Variants in KIF21A observed in about 807,000 individuals in gnomAD.
The protein encoded by KIF21A is kinesin-like protein KIF21A.
In KIF21A, 114 loss-of-function variants were observed where a neutral mutation model predicts 202.9. The ratio of observed to expected loss-of-function variants is 0.56; its 90% confidence interval spans 0.48 to 0.66. The LOEUF is 0.66. Ranked by LOEUF, KIF21A falls within the 30% of genes least tolerant of loss-of-function variation. The pLI is 0.00. For synonymous variants in KIF21A, 667 were observed against 670.8 expected (o/e 0.99, Z 0.09); for missense variants, 1,677 against 1,994.9 (o/e 0.84, Z 3.04).
At chr12:39,340,099 ATT>A (rs1947320653) in intron 16 of KIF21A, 64 bp downstream of exon 16, 7 of 1,263,348 alleles carry the variant, frequency 5.5e-6, no homozygotes, top group Middle Eastern at 2.3e-4. Context: ...AGAGTTGTTT[ATT>A]TTTTGTCCCA....
intron 1 of KIF21A, among the ~76,000 whole-genome samples, chr12:39,384,130 T>G (rs1259588582): frequency 6.6e-6 from 1 of 152,152 alleles, no homozygotes; most frequent in African/African-American, 2.4e-5. Context: ...GACTCTTGAA[T>G]AGGTGGGATT....
At chr12:39,303,382 C>T (rs1182255466) in intron 35 of KIF21A, among the ~76,000 whole-genome samples, 1 of 152,132 alleles carries the variant, frequency 6.6e-6, no homozygotes, top group African/African-American at 2.4e-5. Flanking sequence ...TGCACAGCTG[C>T]CTTAACTGCA....
At chr12:39,350,947 G>T (rs1948323072) in intron 11 of KIF21A, among the ~76,000 whole-genome samples, 1 of 152,000 alleles carries the variant, frequency 6.6e-6, no homozygotes, top group Admixed American at 6.6e-5. Context: ...AAACCAGGTG[G>T]CAAATAAGAT....
intron 27 of KIF21A, among the ~76,000 whole-genome samples, chr12:39,320,236 A>G (rs749231216): frequency 6.6e-6 from 1 of 152,210 alleles, no homozygotes; most frequent in Non-Finnish European, 1.5e-5. Flanking sequence ...CTTATTAAAT[A>G]TGTAACAACT....
At chr12:39,375,430 A>T (rs115094424) in intron 1 of KIF21A, among the ~76,000 whole-genome samples, 54 of 152,194 alleles carry the variant, frequency 3.5e-4, no homozygotes, top group African/African-American at 1.2e-3. Flanking sequence ...CTTTTCATGG[A>T]TCATTTCTCA....
chr12:39,311,265 A>C (rs1385721122), intron 32 of KIF21A, 152 bp downstream of exon 32: 7 of 689,934 alleles, frequency 1.0e-5, no homozygotes, highest in Non-Finnish European at 1.7e-5. Context: ...CAACTATGCA[A>C]TAATTTTATA....
intron 1 of KIF21A, among the ~76,000 whole-genome samples, chr12:39,401,936 A>G (rs560090224): frequency 6.6e-6 from 1 of 152,334 alleles, no homozygotes; most frequent in Admixed American, 6.5e-5. Context: ...TTACCAAACT[A>G]GTTACAAGTT....
At position 39,320,011 on chromosome 12, in the gene KIF21A, G is replaced by C. The variant is rs1945030197; in HGVS notation, c.3674C>G (p.Ser1225Cys). 1.3e-6 allele frequency: 2 copies of C among 1,560,462 alleles called. No homozygotes were observed. Among genetic ancestry groups the C allele is most frequent in the Non-Finnish European group, 1.8e-6 (2 of 1,134,258 alleles). Residue 1225 changes from serine (S) to cysteine (C), a missense_variant and splice_region_variant, in exon 28 of 38, where the codon TCC becomes TGC. Around this residue, in one of 3 missense-constraint regions of KIF21A, gnomAD observed 705 missense variants for 791.9 expected, o/e 0.89. Coordinates refer to ENST00000361418, the MANE Select transcript of KIF21A (RefSeq NM_001173464.2). ...PGLPSKIGSI[S>C]RQSSLSEKKI... ...TTTTTCTGATAGAGATGACTGCCTGGAACTAAAGTAAAAGAAGATTCTTTA... is the reference window on the plus strand; with the variant it reads ...TTTTTCTGATAGAGATGACTGCCTGCAACTAAAGTAAAAGAAGATTCTTTA...
At chr12:39,397,248 T>C (rs947968137) in intron 1 of KIF21A, among the ~76,000 whole-genome samples, 1 of 152,238 alleles carries the variant, frequency 6.6e-6, no homozygotes, top group Non-Finnish European at 1.5e-5. Context: ...CATAGCATAA[T>C]GTTTGTGTTC....
chr12:39,339,328 A>C (rs1947254395), intron 16 of KIF21A, among the ~76,000 whole-genome samples: 2 of 152,124 alleles, frequency 1.3e-5, no homozygotes, highest in African/African-American at 4.8e-5. Context: ...AGATACACAA[A>C]TATTTAGCAT....
At chr12:39,354,394 G>A (rs923245337) in intron 10 of KIF21A, among the ~76,000 whole-genome samples, 1 of 152,034 alleles carries the variant, frequency 6.6e-6, no homozygotes, top group Non-Finnish European at 1.5e-5. Context: ...AAATATTGAA[G>A]AGATAGATCA....
At chr12:39,434,006 G>C (rs1272254044) in intron 1 of KIF21A, among the ~76,000 whole-genome samples, 1 of 152,158 alleles carries the variant, frequency 6.6e-6, no homozygotes, top group East Asian at 1.9e-4. Context: ...AATTGCTAGA[G>C]TTTGGAATAT....
chr12:39,346,823 T>C (rs1021357092), intron 11 of KIF21A, among the ~76,000 whole-genome samples: 1 of 151,856 alleles, frequency 6.6e-6, no homozygotes. Context: ...GCCTTTTTTT[T>C]AGTCTGAAGT....
rs1457275212 is a variant in KIF21A, at chr12:39,301,418, C to T, written c.4931+62G>A. 3 of 1,216,386 alleles carry T rather than the reference C, an allele frequency of 2.5e-6. No homozygotes were observed. In the African/African-American group the frequency reaches 4.5e-5, roughly 18 times the overall value. 75.3% of individuals were successfully genotyped at this position (1,216,386 alleles called of 1,614,324 possible). On this transcript the variant is annotated intron_variant, in intron 37 of 37. Coordinates refer to ENST00000361418, the MANE Select transcript of KIF21A (RefSeq NM_001173464.2). ...ATTCAACGTTTCTAGATATTTACAA[C>T]ATATTTATTAAATCTGAACAGAAGC... is the stretch of plus-strand genomic sequence containing the variant.
At chr12:39,395,491 T>C (rs1480005024) in intron 1 of KIF21A, among the ~76,000 whole-genome samples, 1 of 152,160 alleles carries the variant, frequency 6.6e-6, no homozygotes, top group East Asian at 1.9e-4. Flanking sequence ...CATTTATCTG[T>C]CTAGCTGTGT....
intron 1 of KIF21A, among the ~76,000 whole-genome samples, chr12:39,396,163 G>A (rs1951742088): frequency 6.6e-6 from 1 of 152,126 alleles, no homozygotes. Context: ...CCCCGACCCT[G>A]TACCACACCC....
intron 29 of KIF21A, among the ~76,000 whole-genome samples, chr12:39,317,142 C>T (rs1944639945): frequency 6.6e-6 from 1 of 151,996 alleles, no homozygotes; most frequent in Non-Finnish European, 1.5e-5. Flanking sequence ...ACTAATTAAA[C>T]CATATTAAAA....
chr12:39,336,886 T>C (rs1377436204), intron 17 of KIF21A, among the ~76,000 whole-genome samples: 3 of 152,178 alleles, frequency 2.0e-5, no homozygotes, highest in Non-Finnish European at 4.4e-5. Context: ...AAATAAAATA[T>C]ATAATATTAC....
chr12:39,424,806 T>C (rs917922968), intron 1 of KIF21A, among the ~76,000 whole-genome samples: 8 of 152,178 alleles, frequency 5.3e-5, no homozygotes, highest in Admixed American at 1.3e-4. Flanking sequence ...TTTTCACCTC[T>C]TATAATACAG....
Sources: gnomAD v4.1 joint callset for allele counts (sites outside exome capture counted in the v4.1 genomes callset) on GRCh38, gnomAD v4.1.1 for gene constraint, gnomAD v4.1.1 regional missense constraint, MANE v1.5 for transcripts, NCBI Gene and HGNC (gene_info 2026-07-23, HGNC 2026-07-21) for gene names.